Variants in CD59 observed in about 807,000 individuals in gnomAD.
The protein encoded by CD59 is CD59 molecule (CD59 blood group).
Under a neutral mutation model 7.0 loss-of-function variants are expected in CD59, and 3 were observed. The ratio of observed to expected loss-of-function variants is 0.43; its 90% CI spans 0.19 to 1.10. The LOEUF is 1.10. CD59 is among the 50% of genes least tolerant of loss of function. CD59 has a pLI of 0.29. For synonymous variants in CD59, 60 were observed against 62.0 expected, an observed-to-expected ratio of 0.97 and a Z score of 0.15; for missense variants, 143 against 151.0, an observed-to-expected ratio of 0.95 and a Z score of 0.28.
chr11:33,713,617 C>T (rs1853659235), intron 3 of CD59, among the ~76,000 whole-genome samples: 1 of 152,168 alleles, frequency 6.6e-6, no homozygotes, highest in Non-Finnish European at 1.5e-5. Flanking sequence ...CAAGTTACTG[C>T]TTTGTAACAG....
In CD59 at chr11:33,709,842, C is replaced by T; in HGVS notation, c.*284G>A. On this transcript the variant is annotated 3_prime_UTR_variant, in exon 4 of 4. Coordinates refer to ENST00000642928, the MANE Select transcript of CD59 (RefSeq NM_000611.6). ...TGCAGAGAACCCACTCAAGCTGTCA[C>T]TGCAAAGCTGGTCTTCCCAAGAGCA... is the stretch of plus-strand genomic sequence containing the variant. The T allele has an allele frequency of 1.8e-6, 1 of 543,988 alleles. No homozygotes were observed. The highest frequency in any genetic ancestry group is 3.3e-6 in the Non-Finnish European group (1 of 303,138). 33.7% of individuals were successfully genotyped at this position (543,988 alleles called of 1,614,324 possible).
chr11:33,729,207 G>A (rs1182144715), intron 1 of CD59, among the ~76,000 whole-genome samples: 4 of 152,126 alleles, frequency 2.6e-5, no homozygotes, highest in African/African-American at 9.7e-5. Context: ...ACATGCACAC[G>A]TATGCTTATT....
At chr11:33,733,778 A>G (rs1368360388) in intron 1 of CD59, among the ~76,000 whole-genome samples, 1 of 152,220 alleles carries the variant, frequency 6.6e-6, no homozygotes, top group Non-Finnish European at 1.5e-5. Flanking sequence ...TCTGAAATAC[A>G]TTAGTTAAGC....
At chr11:33,723,461 G>A (rs937156667) in intron 1 of CD59, among the ~76,000 whole-genome samples, 17 of 152,244 alleles carry the variant, frequency 1.1e-4, no homozygotes, top group African/African-American at 3.9e-4. Flanking sequence ...AGAAGTTCCA[G>A]GAAAAGGGCA....
At chr11:33,722,680 CACTGTGGGAA>C in intron 1 of CD59, 2 of 1,358,702 alleles carry the variant, frequency 1.5e-6, no homozygotes, top group Non-Finnish European at 9.6e-7. Flanking sequence ...TGTACTACCA[CACTGTGGGAA>C]TAACACTATC....
intron 1 of CD59, among the ~76,000 whole-genome samples, chr11:33,732,641 T>C (rs1438029246): frequency 1.3e-5 from 2 of 152,226 alleles, no homozygotes. Context: ...GTTGCTAAGA[T>C]AGATGCTCTT....
At chr11:33,735,542 T>G (rs1311522216) in intron 1 of CD59, among the ~76,000 whole-genome samples, 2 of 152,160 alleles carry the variant, frequency 1.3e-5, no homozygotes, top group Non-Finnish European at 2.9e-5. Context: ...TTAATGTTGT[T>G]TTTTGAAAAG....
chr11:33,730,732 G>A (rs1349304624), intron 1 of CD59, among the ~76,000 whole-genome samples: 2 of 152,086 alleles, frequency 1.3e-5, no homozygotes, highest in Non-Finnish European at 2.9e-5. Context: ...TTTCTTTATC[G>A]TGTTAAGCGC....
rs750135648 is a variant in CD59, at chr11:33,710,157, A to C, written c.356T>G (p.Phe119Cys). The change falls in exon 4 of 4, where the codon TTT becomes TGT. Residue 119 changes from phenylalanine to cysteine, a missense_variant. Phe to Cys is a radical substitution (Grantham distance 205). Coordinates refer to ENST00000642928, the MANE Select transcript of CD59 (RefSeq NM_000611.6). ...ATGAAGGCTCCAGGCTGCTGCCAGA[A>C]ATGGAGTCACCAGCAGAAGAACTGT... is the stretch of plus-strand genomic sequence containing the variant. ...EKTVLLLVTPFLAAAWSLHP is the reference protein window; with the variant it reads ...EKTVLLLVTPCLAAAWSLHP The C allele has an allele frequency of 1.9e-6, 3 of 1,613,766 alleles. No individual in the cohort carries two copies. Among genetic ancestry groups the C allele is most frequent in the South Asian group, 1.1e-5 (1 of 90,996 alleles).
rs1853265231 is a variant in CD59, at chr11:33,705,280, A to G, written c.*4846T>C. The G allele has an allele frequency of 6.6e-6, 1 of 152,246 alleles. No homozygotes were observed. The highest frequency in any genetic ancestry group is 1.5e-5 in the Non-Finnish European group (1 of 68,052). 9.4% of individuals were successfully genotyped at this position (152,246 alleles called of 1,614,324 possible). A position where few individuals can be genotyped will look rare whatever the true frequency, so the allele number is the denominator to read the frequency against. On this transcript the variant is annotated 3_prime_UTR_variant, in exon 4 of 4. Coordinates refer to ENST00000642928, the MANE Select transcript of CD59 (RefSeq NM_000611.6). ...TGTCAGAATTTTCTGTCCACAAGCA[A>G]CAGAAGCTTACACTGAGAATTTATT... is the stretch of plus-strand genomic sequence containing the variant.
intron 1 of CD59, among the ~76,000 whole-genome samples, chr11:33,723,410 T>G (rs1392558721): frequency 6.6e-6 from 1 of 152,198 alleles, no homozygotes; most frequent in Non-Finnish European, 1.5e-5. Context: ...GAAGGTCATC[T>G]GCTACTTAGG....
At chr11:33,724,704 G>A (rs1854202026) in intron 1 of CD59, among the ~76,000 whole-genome samples, 1 of 152,126 alleles carries the variant, frequency 6.6e-6, no homozygotes, top group Non-Finnish European at 1.5e-5. Flanking sequence ...GAGCAGGGGA[G>A]ACCTCAGGCA....
Position 33,707,714 on chromosome 11 carries a change from T to C in CD59, c.*2412A>G, listed in dbSNP as rs1853370530. 6.6e-6 allele frequency: 1 copy of C among 152,260 alleles called. No homozygotes were observed. Among genetic ancestry groups the C allele is most frequent in the Admixed American group, 6.5e-5 (1 of 15,290 alleles). The allele number at this position is 152,260 out of a possible 1,614,324, so 9.4% of individuals were successfully genotyped here. On this transcript the variant is annotated 3_prime_UTR_variant, in exon 4 of 4. Transcript: ENST00000642928. ...AGACAGACACATGAATCCCTCTTCG[T>C]TGATCAGGGTCAGTTGGAGGATGTA...
In CD59 at chr11:33,729,725, T is replaced by C. The variant is rs537039557; in HGVS notation, c.-19+6657A>G. 9.8e-4 allele frequency among the ~76,000 whole-genome samples: 149 copies of C among 152,140 alleles called. 2 individuals carry two copies. The highest frequency in any genetic ancestry group is 3.6e-3 in the African/African-American group (148 of 41,516). On this transcript the variant is annotated intron_variant, in intron 1 of 3. Transcript: ENST00000642928. The stretch of plus-strand genomic sequence containing the variant: ...AAAAAAAAAAAATACAGGCACTTCT[T>C]ATCAAGTTCCTGAAAATGTTTTAGA...
In CD59 at chr11:33,708,852, A is replaced by G. The variant is rs1853424206; in HGVS notation, c.*1274T>C. On this transcript the variant is annotated 3_prime_UTR_variant, in exon 4 of 4. Coordinates refer to ENST00000642928, the MANE Select transcript of CD59 (RefSeq NM_000611.6). ...TATATTTCATTTTCAGAAAAGCATC[A>G]TTCATTGCACTCGGTTTGTCCAACA... The G allele has an allele frequency of 6.6e-6, 1 of 152,186 alleles. No homozygotes were observed. Among genetic ancestry groups the G allele is most frequent in the African/African-American group, 2.4e-5 (1 of 41,440 alleles). The allele number at this position is 152,186 out of a possible 1,614,324, so 9.4% of individuals were successfully genotyped here.
chr11:33,726,901 C>G (rs147856375), intron 1 of CD59, among the ~76,000 whole-genome samples: 3 of 152,112 alleles, frequency 2.0e-5, no homozygotes, highest in Non-Finnish European at 4.4e-5. Context: ...AACACTTCTA[C>G]GCAAATAAAC....
chr11:33,732,487 C>A (rs1854448964), intron 1 of CD59, among the ~76,000 whole-genome samples: 2 of 152,300 alleles, frequency 1.3e-5, no homozygotes, highest in East Asian at 1.9e-4. Flanking sequence ...GAAGCCTATA[C>A]AGCCCAAAGA....
chr11:33,716,490 T>C (rs17760306), intron 3 of CD59, among the ~76,000 whole-genome samples: 1 of 152,010 alleles, frequency 6.6e-6, no homozygotes, highest in South Asian at 2.1e-4. Flanking sequence ...CCTGAGGGTT[T>C]TACCTTGGAC....
At position 33,709,912 on chromosome 11, in the gene CD59, C is replaced by T; in HGVS notation, c.*214G>A. 1.6e-6 allele frequency: 1 copy of T among 623,904 alleles called. No individual in the cohort carries two copies. The highest frequency in any genetic ancestry group is 1.9e-5 in the South Asian group (1 of 52,210). The allele number at this position is 623,904 out of a possible 1,614,324, so 38.6% of individuals were successfully genotyped here. A position where few individuals can be genotyped will look rare whatever the true frequency, so the allele number is the denominator to read the frequency against. On this transcript the variant is annotated 3_prime_UTR_variant, in exon 4 of 4. Coordinates refer to ENST00000642928, the MANE Select transcript of CD59 (RefSeq NM_000611.6). ...TAGTTCAAGTCACACCTACTTCACT[C>T]TTAGACTTCTTCCTTCAAGTGGGGC... is the stretch of plus-strand genomic sequence containing the variant.
Sources: allele counts gnomAD v4.1 joint callset (sites outside exome capture counted in the v4.1 genomes callset), GRCh38; gene constraint gnomAD v4.1.1; transcripts MANE v1.5; gene names NCBI Gene and HGNC (gene_info 2026-07-23, HGNC 2026-07-21).